Variants in GALNT9 observed in about 807,000 individuals in gnomAD.
The protein encoded by GALNT9 is polypeptide N-acetylgalactosaminyltransferase 9, also known as GalNAc transferase 9.
In GALNT9, 47 loss-of-function variants were observed where a neutral mutation model predicts 63.1. That is an observed-to-expected ratio of 0.75 (90% CI 0.59 to 0.95). GALNT9 has a LOEUF of 0.95. Ranked by LOEUF, GALNT9 falls within the 40% of genes least tolerant of loss-of-function variation. The pLI is 0.00. For synonymous variants in GALNT9, 396 were observed against 365.7 expected (o/e 1.08, Z -0.94); for missense variants, 829 against 874.8 (o/e 0.95, Z 0.66).
Position 132,286,934 on chromosome 12 carries a change from C to T in GALNT9, c.239-504G>A. 6.6e-6 allele frequency among the ~76,000 whole-genome samples: 1 copy of T among 152,118 alleles called. No homozygotes were observed. Among genetic ancestry groups the T allele is most frequent in the East Asian group, 1.9e-4 (1 of 5,188 alleles). On this transcript the variant is annotated intron_variant, in intron 1 of 10. Transcript: ENST00000328957. This position sits in a 1 kb window ranked among gnomAD's most constrained non-coding sequence, Gnocchi z 7.4. The stretch of plus-strand genomic sequence containing the variant: ...GGTCAGGCTGGTCTTGAACTCCTGA[C>T]CTCAAGCGATCCACCTACCTAGGCC...
At position 132,262,754 on chromosome 12, in the gene GALNT9, A is replaced by G. The variant is rs113259778; in HGVS notation, c.420-129T>C. ...GTCAGGGCGCAGCATGAGGGACCCC[A>G]GGAGCCATAGCTCATCTGTCTGCAC... On this transcript the variant is annotated intron_variant, in intron 2 of 10. Coordinates refer to ENST00000328957, the MANE Select transcript of GALNT9 (RefSeq NM_001122636.2). 3.7e-3 allele frequency: 5,070 copies of G among 1,367,188 alleles called. 870 individuals carry two copies. In the African/African-American group the frequency reaches 0.11, roughly 29 times the overall value. 84.7% of individuals were successfully genotyped at this position (1,367,188 alleles called of 1,614,324 possible). A position where few individuals can be genotyped will look rare whatever the true frequency, so the allele number is the denominator to read the frequency against.
At chr12:132,301,170 C>G (rs913880200) in intron 1 of GALNT9, among the ~76,000 whole-genome samples, 1 of 152,258 alleles carries the variant, frequency 6.6e-6, no homozygotes. Context: ...CACAGTGCTC[C>G]GAACTGCAAA....
At chr12:132,243,352 C>T (rs1878535375) in intron 6 of GALNT9, among the ~76,000 whole-genome samples, 1 of 152,112 alleles carries the variant, frequency 6.6e-6, no homozygotes, top group South Asian at 2.1e-4. Context: ...CCATCAGGGC[C>T]CCCAGTGGCC....
At chr12:132,254,099 A>G (rs1555238837) in intron 5 of GALNT9, among the ~76,000 whole-genome samples, 1 of 151,224 alleles carries the variant, frequency 6.6e-6, no homozygotes, top group Non-Finnish European at 1.5e-5. Flanking sequence ...TCAGCTCACT[A>G]TAACCTCTGC....
intron 1 of GALNT9, among the ~76,000 whole-genome samples, chr12:132,307,002 A>G (rs1298648920): frequency 6.6e-6 from 1 of 151,882 alleles, no homozygotes; most frequent in Non-Finnish European, 1.5e-5. Flanking sequence ...TGACTCTGTG[A>G]GTAGATGGCC....
chr12:132,219,693 CGCCCGG>C (rs1877359795), intron 6 of GALNT9, among the ~76,000 whole-genome samples: 1 of 151,068 alleles, frequency 6.6e-6, no homozygotes, highest in Non-Finnish European at 1.5e-5. Flanking sequence ...GGGTGACACC[CGCCCGG>C]GTAAGGGGAA....
chr12:132,215,366 G>A (rs916579434), intron 6 of GALNT9, among the ~76,000 whole-genome samples: 9 of 152,236 alleles, frequency 5.9e-5, no homozygotes, highest in African/African-American at 1.7e-4. Context: ...GCCAGGACGC[G>A]GCGCCCGGCA....
chr12:132,229,119 C>T (rs1008518496), intron 6 of GALNT9, among the ~76,000 whole-genome samples: 9 of 152,168 alleles, frequency 5.9e-5, no homozygotes, highest in African/African-American at 1.9e-4. Flanking sequence ...AGTCTCAGGG[C>T]GGCAGAGCCT....
At chr12:132,261,237 C>A in intron 3 of GALNT9, 115 bp from the exon 4 acceptor site, 1 of 1,457,174 alleles carries the variant, frequency 6.9e-7, no homozygotes, top group Non-Finnish European at 9.1e-7. Flanking sequence ...TGTAAACATT[C>A]TCTTAGGACC....
chr12:132,268,751 G>T (rs938469423), intron 2 of GALNT9, among the ~76,000 whole-genome samples: 1 of 152,172 alleles, frequency 6.6e-6, no homozygotes, highest in Non-Finnish European at 1.5e-5. Context: ...CACCGAAGAC[G>T]CCCAAGCAGC....
chr12:132,247,427 A>C, intron 6 of GALNT9: 1 of 358,884 alleles, frequency 2.8e-6, no homozygotes, highest in Non-Finnish European at 5.6e-6. Flanking sequence ...GACTCAGGGT[A>C]GCCCCATCTC....
At chr12:132,235,423 G>T (rs1030395739) in intron 6 of GALNT9, among the ~76,000 whole-genome samples, 62 of 152,272 alleles carry the variant, frequency 4.1e-4, no homozygotes, top group African/African-American at 1.3e-3. Flanking sequence ...GACAGGAGGA[G>T]AGAGCAGAGG....
intron 1 of GALNT9, among the ~76,000 whole-genome samples, chr12:132,295,556 G>A (rs531131711): frequency 3.3e-5 from 5 of 152,358 alleles, no homozygotes; most frequent in South Asian, 2.1e-4. Context: ...AGAGACACAC[G>A]CAGAGAAGGG....
In GALNT9 at chr12:132,301,367, G is replaced by A. The variant is rs561294588; in HGVS notation, c.239-14937C>T. Among the ~76,000 whole-genome samples the A allele has an allele frequency of 3.7e-3, 568 of 152,362 alleles. 3 individuals are homozygous for A. The highest frequency in any genetic ancestry group is 0.013 in the African/African-American group (537 of 41,572). On this transcript the variant is annotated intron_variant, in intron 1 of 10. Transcript: ENST00000328957. ...GACCACGGCTGTGCTTCCACTCCGCGCCCTGTTTCACAGACAGAAGTGCTG... is the reference window on the plus strand; with the variant it reads ...GACCACGGCTGTGCTTCCACTCCGCACCCTGTTTCACAGACAGAAGTGCTG...
chr12:132,230,441 G>T (rs888482409), intron 6 of GALNT9, among the ~76,000 whole-genome samples: 5 of 152,230 alleles, frequency 3.3e-5, no homozygotes, highest in Admixed American at 6.5e-5. Flanking sequence ...CGGGCACCTG[G>T]CGTTCGCTGC....
chr12:132,266,980 G>A (rs1405706058), intron 2 of GALNT9, among the ~76,000 whole-genome samples: 2 of 152,316 alleles, frequency 1.3e-5, no homozygotes, highest in Middle Eastern at 3.4e-3. Context: ...AGAATAAAAC[G>A]TCACAGACGC....
At chr12:132,202,873 A>T (rs1565983282) in intron 7 of GALNT9, among the ~76,000 whole-genome samples, 2 of 152,134 alleles carry the variant, frequency 1.3e-5, no homozygotes, top group Non-Finnish European at 2.9e-5. Flanking sequence ...ATGGGAAATT[A>T]CAAATTAGAA....
rs1344517672 is a variant in GALNT9 at position 132,197,954 on chromosome 12, C to T, written c.1503G>A (p.Val501=). Residue 501 remains valine, a synonymous_variant, in exon 10 of 11, where the codon GTG becomes GTA. Transcript: ENST00000328957. ...GCAGCAGTCCATCAGCGCTGTACCG[C>T]ACCAGCTGGGGACAGGACCACCGGG... The part of the protein sequence containing the change: ...YPCHGMSSQL[V]RYSADGLLQL... 3.1e-6 allele frequency: 5 copies of T among 1,607,368 alleles called. No individual in the cohort carries two copies. Among genetic ancestry groups the T allele is most frequent in the Non-Finnish European group, 3.4e-6 (4 of 1,176,748 alleles).
intron 5 of GALNT9, among the ~76,000 whole-genome samples, chr12:132,256,815 T>C (rs1355351160): frequency 2.6e-5 from 4 of 152,200 alleles, no homozygotes; most frequent in Non-Finnish European, 4.4e-5. Flanking sequence ...TGTCAACATT[T>C]GGTATTGTCA....
Sources: allele counts gnomAD v4.1 joint callset (sites outside exome capture counted in the v4.1 genomes callset), GRCh38; gene constraint gnomAD v4.1.1; non-coding constraint Gnocchi (gnomAD v3.1); transcripts MANE v1.5; gene names NCBI Gene and HGNC (gene_info 2026-07-23, HGNC 2026-07-21).